MFNG: variants seen among roughly 807,000 people sequenced by gnomAD.
MFNG encodes MFNG O-fucosylpeptide 3-beta-N-acetylglucosaminyltransferase.
In MFNG, 24 loss-of-function variants were observed where a neutral mutation model predicts 34.2. The ratio of observed to expected loss-of-function variants is 0.70; its 90% CI spans 0.51 to 0.99. The LOEUF (loss-of-function observed/expected upper bound fraction) is 0.99. Ranked by LOEUF, MFNG falls within the 50% of genes least tolerant of loss-of-function variation. The pLI is 0.00. For missense variants in MFNG, 383 were observed against 424.0 expected (o/e 0.90, Z 0.85); for synonymous variants, 158 against 179.2 (o/e 0.88, Z 0.94).
rs1922539984 is a variant in MFNG at position 37,486,082 on chromosome 22, C to CG, written c.95dup (p.Gln33AlafsTer18). 6.2e-7 allele frequency: 1 copy of CG among 1,613,404 alleles called. No individual in the cohort carries two copies. Among genetic ancestry groups the CG allele is most frequent in the African/African-American group, 1.3e-5 (1 of 74,908 alleles). On this transcript the variant is annotated frameshift_variant, in exon 1 of 8. Transcript: ENST00000356998. LOFTEE classifies it high-confidence loss of function. ...GCTCGGGGGTCCCTTGTACCCGCTG[C>CG]GGGGACAGGTTCAAGTGGTACCGCA...
chr22:37,482,656 G>T lies in MFNG; in HGVS notation c.256-1887C>A, dbSNP rs1274936183. On this transcript the variant is annotated intron_variant, in intron 1 of 7. Transcript: ENST00000356998. This position sits in a 1 kb window ranked among gnomAD's most constrained non-coding sequence, Gnocchi z 4.1. Reference sequence around the variant, plus strand: ...TTTCTCCTGTCACTAACAGCAGTTAGCAAAACTCCCTGGTTACAGAAATTT... The same window carrying T: ...TTTCTCCTGTCACTAACAGCAGTTATCAAAACTCCCTGGTTACAGAAATTT... Among the ~76,000 whole-genome samples, 1 of 152,086 alleles carries T rather than the reference G, an allele frequency of 6.6e-6. No individual in the cohort carries two copies. The highest frequency in any genetic ancestry group is 2.4e-5 in the African/African-American group (1 of 41,388).
rs564088650 is a variant in MFNG at position 37,483,099 on chromosome 22, G to C, written c.256-2330C>G. ...AAGACTGAGCCCCCGTTCTCCCCAAGACCTGCTCCTCCCTCTCACTGGTTG... is the reference window on the plus strand; with the variant it reads ...AAGACTGAGCCCCCGTTCTCCCCAACACCTGCTCCTCCCTCTCACTGGTTG... On this transcript the variant is annotated intron_variant, in intron 1 of 7. Coordinates refer to ENST00000356998, the MANE Select transcript of MFNG (RefSeq NM_002405.4). This position sits in a 1 kb window ranked among gnomAD's most constrained non-coding sequence, Gnocchi z 4.5. Among the ~76,000 whole-genome samples, 1 of 152,186 alleles carries C rather than the reference G, an allele frequency of 6.6e-6. No individual in the cohort carries two copies. The highest frequency in any genetic ancestry group is 2.1e-4 in the South Asian group (1 of 4,812).
At chr22:37,477,003 G>A (rs753959334) in intron 4 of MFNG, 22 bp from the exon 5 acceptor site, 2 of 1,609,298 alleles carry the variant, frequency 1.2e-6, no homozygotes, top group Middle Eastern at 1.6e-4. Context: ...GAAGGCCAAG[G>A]GGCAGAGTGA....
chr22:37,469,479 C>T lies in MFNG; in HGVS notation c.*484G>A, dbSNP rs1362586076. On this transcript the variant is annotated 3_prime_UTR_variant, in exon 8 of 8. Coordinates refer to ENST00000356998, the MANE Select transcript of MFNG (RefSeq NM_002405.4). ...TGGCAACAACAGCAGGTGCTGCAGA[C>T]CCTGGATTCTGCCATCATTCCACCC... The T allele has an allele frequency of 7.5e-6, 2 of 266,010 alleles. No individual in the cohort carries two copies. Among genetic ancestry groups the T allele is most frequent in the Admixed American group, 9.6e-5 (2 of 20,790 alleles). The allele number at this position is 266,010 out of a possible 1,614,324, so 16.5% of individuals were successfully genotyped here. A position where few individuals can be genotyped will look rare whatever the true frequency, so the allele number is the denominator to read the frequency against.
At chr22:37,471,340 G>T (rs758355063) in intron 7 of MFNG, among the ~76,000 whole-genome samples, 1 of 152,232 alleles carries the variant, frequency 6.6e-6, no homozygotes, top group Non-Finnish European at 1.5e-5. Flanking sequence ...GCTGCCCAGA[G>T]ATGGAACAGA....
chr22:37,472,530 T>TGG lies in MFNG; in HGVS notation c.814-4_814-3dup. On this transcript the variant is annotated splice_polypyrimidine_tract_variant and splice_region_variant and intron_variant, in intron 6 of 7. Transcript: ENST00000356998. ...AAAGACACCGTAGCTGAGGGTGACC[T>TGG]GGGCAGGGAGATAGAAGAGTGTTGG... is the stretch of plus-strand genomic sequence containing the variant. The TGG allele has an allele frequency of 1.3e-6, 2 of 1,579,684 alleles. No individual in the cohort carries two copies. The highest frequency in any genetic ancestry group is 1.7e-6 in the Non-Finnish European group (2 of 1,165,770).
chr22:37,478,638 G>A (rs1922145170), intron 4 of MFNG, among the ~76,000 whole-genome samples: 1 of 151,980 alleles, frequency 6.6e-6, no homozygotes, highest in Non-Finnish European at 1.5e-5. Context: ...TGGGGCTCAG[G>A]TGGCAGCAAT....
In MFNG at chr22:37,485,853, AGTAGAAAG is replaced by A; in HGVS notation, c.255+62_255+69del. 14 of 1,526,504 alleles carry A rather than the reference AGTAGAAAG, an allele frequency of 9.2e-6. No homozygotes were observed. Among genetic ancestry groups the A allele is most frequent in the Non-Finnish European group, 1.2e-5 (14 of 1,131,750 alleles). 94.6% of individuals were successfully genotyped at this position (1,526,504 alleles called of 1,614,324 possible). A position where few individuals can be genotyped will look rare whatever the true frequency, so the allele number is the denominator to read the frequency against. ...ATGAGGCAGTCAGGGACCCCAGCCC[AGTAGAAAG>A]GCCTCTGAGAACCCCTTAGGCCAGG... is the stretch of plus-strand genomic sequence containing the variant. On this transcript the variant is annotated intron_variant, in intron 1 of 7. Coordinates refer to ENST00000356998, the MANE Select transcript of MFNG (RefSeq NM_002405.4). This position sits in a 1 kb window ranked among gnomAD's most constrained non-coding sequence, Gnocchi z 5.3.
intron 6 of MFNG, 50 bp downstream of exon 6, chr22:37,474,462 T>A: frequency 6.3e-7 from 1 of 1,598,894 alleles, no homozygotes. Context: ...GGACCCCATG[T>A]TCCTTTGGTT....
rs1024206010 is a variant in MFNG, at chr22:37,485,110, G to A, written c.255+813C>T. ...AGGGCTGGAAGGGACTTGGCTCGCC[G>A]GAGCCGCACAGCCATGTGACAGACA... On this transcript the variant is annotated intron_variant, in intron 1 of 7. Transcript: ENST00000356998. This position sits in a 1 kb window ranked among gnomAD's most constrained non-coding sequence, Gnocchi z 5.3. Among the ~76,000 whole-genome samples, 4 of 152,214 alleles carry A rather than the reference G, an allele frequency of 2.6e-5. No individual in the cohort carries two copies. The highest frequency in any genetic ancestry group is 3.9e-4 in the East Asian group (2 of 5,170).
rs1432922101 is a variant in MFNG, at chr22:37,480,455, C to T, written c.305-156G>A. On this transcript the variant is annotated intron_variant, in intron 2 of 7. Coordinates refer to ENST00000356998, the MANE Select transcript of MFNG (RefSeq NM_002405.4). ...AGGACTGAGACCCGGGGAAGGCAGACCTGCCCAGGACCACAGACCTAGTGG... is the reference window on the plus strand; with the variant it reads ...AGGACTGAGACCCGGGGAAGGCAGATCTGCCCAGGACCACAGACCTAGTGG... The T allele has an allele frequency of 7.4e-6, 5 of 677,990 alleles. No individual in the cohort carries two copies. In the South Asian group the frequency reaches 9.2e-5, roughly 13 times the overall value. 42.0% of individuals were successfully genotyped at this position (677,990 alleles called of 1,614,324 possible). A position where few individuals can be genotyped will look rare whatever the true frequency, so the allele number is the denominator to read the frequency against.
At chr22:37,473,087 T>C (rs1921882844) in intron 6 of MFNG, among the ~76,000 whole-genome samples, 1 of 152,042 alleles carries the variant, frequency 6.6e-6, no homozygotes, top group South Asian at 2.1e-4. Flanking sequence ...TCCCCATCTA[T>C]AGAATGGGGA....
At position 37,480,230 on chromosome 22, in the gene MFNG, G is replaced by A; in HGVS notation, c.374C>T (p.Ala125Val). The A allele has an allele frequency of 1.2e-6, 2 of 1,612,446 alleles. No individual in the cohort carries two copies. Among genetic ancestry groups the A allele is most frequent in the Non-Finnish European group, 1.7e-6 (2 of 1,178,596 alleles). ...SHPALSCKMAAEFDTFLASGL... is the reference protein window; with the variant it reads ...SHPALSCKMAVEFDTFLASGL... ...ACTGGCCAAGAAGGTGTCGAACTCA[G>A]CAGCCATCTTGCAGGACAGAGCTGG... Residue 125 changes from alanine to valine, a missense_variant, in exon 3 of 8, where the codon GCT becomes GTT. Ala to Val is a moderately conservative substitution (Grantham distance 64). Coordinates refer to ENST00000356998, the MANE Select transcript of MFNG (RefSeq NM_002405.4).
At chr22:37,481,090 C>G (rs1922273519) in intron 1 of MFNG, 2 of 285,114 alleles carry the variant, frequency 7.0e-6, no homozygotes, top group Non-Finnish European at 1.3e-5. Flanking sequence ...CACACACAAT[C>G]ACACACACAC....
intron 4 of MFNG, among the ~76,000 whole-genome samples, chr22:37,479,129 A>G (rs904522618): frequency 6.6e-6 from 1 of 152,196 alleles, no homozygotes; most frequent in African/African-American, 2.4e-5. Context: ...CTCACTATGT[A>G]CTGTGTCTGT....
chr22:37,475,046 A>G (rs1921977378), intron 5 of MFNG, among the ~76,000 whole-genome samples: 1 of 152,282 alleles, frequency 6.6e-6, no homozygotes, highest in Admixed American at 6.5e-5. Context: ...AGAGATGAGA[A>G]AGAAACGCTT....
At position 37,470,025 on chromosome 22, in the gene MFNG, G is replaced by A. The variant is rs8192548; in HGVS notation, c.904C>T (p.Arg302Cys). The change falls in exon 8 of 8, where the codon CGC becomes TGC. Residue 302 changes from arginine (R) to cysteine (C), a missense_variant. Transcript: ENST00000356998. ...GGATAGAGCAGACAATGGAGGGAGC[G>A]AAATCTGCAGAGAGACCAGAAAAGG... is the stretch of plus-strand genomic sequence containing the variant. ...FSPEEDPSRF[R>C]SLHCLLYPDT... 24,751 of 1,603,114 alleles carry A rather than the reference G, an allele frequency of 0.015. 262 individuals are homozygous for A. The highest frequency in any genetic ancestry group is 0.018 in the Non-Finnish European group (21,079 of 1,173,784).
chr22:37,476,695 G>T (rs1040024867), intron 5 of MFNG, among the ~76,000 whole-genome samples: 12 of 152,204 alleles, frequency 7.9e-5, no homozygotes, highest in African/African-American at 2.9e-4. Context: ...TGAGTGGCAC[G>T]TCATGCGCTC....
At position 37,483,020 on chromosome 22, in the gene MFNG, T is replaced by C. The variant is rs1922372415; in HGVS notation, c.256-2251A>G. ...CACCAGCCCTAGCCTCTCCCTGAGC[T>C]CCAAACTGTCAAATCCCCTGAAACC... On this transcript the variant is annotated intron_variant, in intron 1 of 7. Transcript: ENST00000356998. The surrounding 1 kb of genome is among the most constrained non-coding windows in gnomAD (Gnocchi z 4.5). 6.6e-6 allele frequency among the ~76,000 whole-genome samples: 1 copy of C among 152,086 alleles called. No individual in the cohort carries two copies. Among genetic ancestry groups the C allele is most frequent in the South Asian group, 2.1e-4 (1 of 4,830 alleles).
Sources: allele counts gnomAD v4.1 joint callset (sites outside exome capture counted in the v4.1 genomes callset), GRCh38; gene constraint gnomAD v4.1.1; non-coding constraint Gnocchi (gnomAD v3.1); transcripts MANE v1.5; gene names NCBI Gene and HGNC (gene_info 2026-07-23, HGNC 2026-07-21).